The following AKR1B15 variants were observed in gnomAD, a reference collection of about 807,000 sequenced individuals.
AKR1B15 encodes aldo-keto reductase family 1 member B15.
A neutral mutation model predicts 38.5 loss-of-function variants in AKR1B15; 49 were observed. That is an observed-to-expected ratio of 1.27 (90% CI 1.01 to 1.62). The LOEUF (loss-of-function observed/expected upper bound fraction) is 1.62, where lower values mean the gene tolerates loss of function less well. Ranked by LOEUF, AKR1B15 falls within the 40% of genes most tolerant of loss-of-function variation. AKR1B15 has a pLI of 0.00. For synonymous variants in AKR1B15, 137 were observed against 135.5 expected (o/e 1.01, Z -0.08); for missense variants, 411 against 381.6 (o/e 1.08, Z -0.64).
intron 2 of AKR1B15, among the ~76,000 whole-genome samples, chr7:134,564,020 C>T (rs1443470402): frequency 2.6e-5 from 4 of 152,176 alleles, no homozygotes; most frequent in African/African-American, 9.7e-5. Flanking sequence ...TGGACAGGCA[C>T]CTGCAACCTT....
At chr7:134,568,451 C>T (rs1280281217) in intron 4 of AKR1B15, 126 bp downstream of exon 4, 1 of 1,376,662 alleles carries the variant, frequency 7.3e-7, no homozygotes, top group Non-Finnish European at 1.0e-6. Context: ...GCCTTGATAA[C>T]ATCCGTGGAT....
chr7:134,564,851 C>A, intron 3 of AKR1B15, 82 bp downstream of exon 3: 2 of 529,356 alleles, frequency 3.8e-6, no homozygotes, highest in Non-Finnish European at 6.7e-6. Context: ...GAGGTGAAGC[C>A]AGCTGGACTT....
intron 11 of AKR1B15, 109 bp downstream of exon 11, chr7:134,577,895 C>T: frequency 1.5e-6 from 2 of 1,293,980 alleles, no homozygotes; most frequent in East Asian, 2.5e-5. Flanking sequence ...TCTTCAAATA[C>T]TATTTTGGGG....
At chr7:134,579,451 G>T in intron 11 of AKR1B15, 56 bp from the exon 12 acceptor site, 1 of 1,447,722 alleles carries the variant, frequency 6.9e-7, no homozygotes, top group South Asian at 1.3e-5. Flanking sequence ...CCTTCTCAGC[G>T]AGAGTTGTTG....
intron 2 of AKR1B15, among the ~76,000 whole-genome samples, chr7:134,557,655 T>G (rs1794246509): frequency 1.5e-5 from 1 of 65,400 alleles, no homozygotes; most frequent in Non-Finnish European, 4.2e-5. Flanking sequence ...CTGTTTATTT[T>G]CTTATTACTG....
chr7:134,579,627 T>G lies in AKR1B15; in HGVS notation c.*78T>G. 7.5e-7 allele frequency: 1 copy of G among 1,336,208 alleles called. No individual in the cohort carries two copies. Among genetic ancestry groups the G allele is most frequent in the Non-Finnish European group, 1.0e-6 (1 of 976,120 alleles). The allele number at this position is 1,336,208 out of a possible 1,614,324, so 82.8% of individuals were successfully genotyped here. On this transcript the variant is annotated 3_prime_UTR_variant, in exon 12 of 12. Transcript: ENST00000457545. ...GTGACTGTCTCCACTCAAGAACTAT[T>G]TTAGCCAAGCTTATCTGAGATCACA...
chr7:134,572,505 G>A (rs1252787975), intron 6 of AKR1B15, among the ~76,000 whole-genome samples: 1 of 152,110 alleles, frequency 6.6e-6, no homozygotes, highest in Non-Finnish European at 1.5e-5. Flanking sequence ...GTGTGTGCCT[G>A]GAATGTGAGC....
intron 11 of AKR1B15, 81 bp downstream of exon 11, chr7:134,577,867 T>C (rs541391240): frequency 5.4e-6 from 8 of 1,478,242 alleles, no homozygotes; most frequent in East Asian, 2.4e-5. Flanking sequence ...GATTAGAAGG[T>C]TGTTGGGACT....
At chr7:134,577,625 C>T (rs1443209140) in intron 10 of AKR1B15, 79 bp from the exon 11 acceptor site, 4 of 1,500,476 alleles carry the variant, frequency 2.7e-6, no homozygotes, top group Non-Finnish European at 3.7e-6. Context: ...GAGCTCCCTC[C>T]CTGCTAGAAT....
intron 6 of AKR1B15, chr7:134,573,521 C>T (rs1003224988): frequency 1.1e-5 from 11 of 985,232 alleles, no homozygotes; most frequent in African/African-American, 8.7e-5. Context: ...TGATTTGAAA[C>T]GAGCATGCTT....
intron 6 of AKR1B15, chr7:134,573,371 A>G (rs974719724): frequency 2.0e-5 from 20 of 985,266 alleles, no homozygotes; most frequent in Non-Finnish European, 2.4e-5. Context: ...CTTAGCTCCT[A>G]TGATGATATG....
chr7:134,576,346 T>C lies in AKR1B15; in HGVS notation c.744-3T>C. The C allele has an allele frequency of 1.2e-6, 2 of 1,613,950 alleles. No individual in the cohort carries two copies. The highest frequency in any genetic ancestry group is 1.7e-6 in the Non-Finnish European group (2 of 1,179,896). ...ATTCACATCAGCATCTTTCTGCCCC[T>C]AGGGCCAAACCTGAGGACCCTTCCC... On this transcript the variant is annotated splice_region_variant and splice_polypyrimidine_tract_variant and intron_variant, in intron 8 of 11. Transcript: ENST00000457545.
rs1457711005 is a variant in AKR1B15 at position 134,552,614 on chromosome 7, G to A, written c.-147+3365G>A. Among the ~76,000 whole-genome samples, 3 of 152,210 alleles carry A rather than the reference G, an allele frequency of 2.0e-5. No individual in the cohort carries two copies. In the East Asian group the frequency reaches 5.8e-4, roughly 29 times the overall value. On this transcript the variant is annotated intron_variant, in intron 1 of 11. Transcript: ENST00000457545. ...GAACAAATGATTACCAGCCTGTACA[G>A]GACTTGCAGGAAGGTAACAAGCAGA...
intron 6 of AKR1B15, among the ~76,000 whole-genome samples, chr7:134,574,361 G>A (rs1472897280): frequency 6.6e-6 from 1 of 151,890 alleles, no homozygotes; most frequent in African/African-American, 2.4e-5. Context: ...TCTCTCTCTC[G>A]GGGTTTTTGT....
intron 6 of AKR1B15, among the ~76,000 whole-genome samples, chr7:134,573,957 T>C (rs1322002145): frequency 6.6e-6 from 1 of 152,192 alleles, no homozygotes; most frequent in Admixed American, 6.5e-5. Flanking sequence ...TAGAGTACAA[T>C]GGCATGATCA....
chr7:134,569,840 C>G (rs148298396), intron 5 of AKR1B15: 1 of 291,114 alleles, frequency 3.4e-6, no homozygotes, highest in African/African-American at 2.2e-5. Context: ...GGATGAATGT[C>G]GCCTCAGGAC....
At chr7:134,567,368 C>G (rs1296361150) in intron 3 of AKR1B15, among the ~76,000 whole-genome samples, 1 of 152,018 alleles carries the variant, frequency 6.6e-6, no homozygotes, top group Non-Finnish European at 1.5e-5. Flanking sequence ...CTACCTCGCT[C>G]TTTCTTTTTA....
chr7:134,554,973 C>G (rs1397203040), intron 1 of AKR1B15, among the ~76,000 whole-genome samples: 1 of 152,204 alleles, frequency 6.6e-6, no homozygotes, highest in Non-Finnish European at 1.5e-5. Flanking sequence ...CTAAAAAGTA[C>G]TCTTGCAAAA....
chr7:134,568,274 G>A lies in AKR1B15; in HGVS notation c.267G>A (p.Glu89=), dbSNP rs368093454. The A allele has an allele frequency of 1.9e-6, 3 of 1,614,028 alleles. No homozygotes were observed. The highest frequency in any genetic ancestry group is 2.2e-5 in the South Asian group (2 of 91,082). ...NQHEVGEAIQ[E]KIQEKAVMRE... ...ATGAGGTGGGAGAAGCCATCCAAGA[G>A]AAGATCCAAGAGAAGGCTGTGATGC... Residue 89 remains glutamate (E), a synonymous_variant, in exon 4 of 12, where the codon GAG becomes GAA. Transcript: ENST00000457545.
Sources: allele counts gnomAD v4.1 joint callset (sites outside exome capture counted in the v4.1 genomes callset), GRCh38; gene constraint gnomAD v4.1.1; transcripts MANE v1.5; gene names NCBI Gene and HGNC (gene_info 2026-07-23, HGNC 2026-07-21).